The following PKD1 variants were observed in gnomAD, a reference collection of about 807,000 sequenced individuals.
PKD1 encodes polycystin-1.
In PKD1, 81 loss-of-function variants were observed where a neutral mutation model predicts 361.7. The observed-to-expected ratio is 0.22, with a 90% confidence interval of 0.19 to 0.27. The LOEUF (loss-of-function observed/expected upper bound fraction) is 0.27, where lower values mean the gene tolerates loss of function less well. Among genes scored for constraint, PKD1 ranks in the 10% least tolerant of loss-of-function variants. The pLI is 1.00. For synonymous variants in PKD1, 3,615 were observed against 2,818.3 expected (o/e 1.28, Z -8.95); for missense variants, 6,399 against 6,118.3 (o/e 1.05, Z -1.53).
In PKD1 at chr16:2,109,163, C is replaced by T. The variant is rs1382000376; in HGVS notation, c.6004G>A (p.Val2002Ile). Residue 2002 changes from valine to isoleucine, a missense_variant, in exon 15 of 46, where the codon GTC (valine) becomes ATC (isoleucine). By Grantham distance (29) the Val-to-Ile change is conservative. Coordinates refer to ENST00000262304, the MANE Select transcript of PKD1 (RefSeq NM_001009944.3). ...AGCGAGAAGTACCAGGCGTAGGCGA[C>T]CCGAGAGCCGCGCTGCACGCGGGCT... is the stretch of plus-strand genomic sequence containing the variant. ...FTARVQRGSR[V>I]AYAWYFSLQK... The T allele has an allele frequency of 1.1e-5, 17 of 1,600,780 alleles. No individual in the cohort carries two copies. Among genetic ancestry groups the T allele is most frequent in the Non-Finnish European group, 1.4e-5 (17 of 1,173,266 alleles).
chr16:2,092,863 T>C, intron 38 of PKD1, 91 bp downstream of exon 38: 1 of 1,472,524 alleles, frequency 6.8e-7, no homozygotes, highest in South Asian at 1.1e-5. Flanking sequence ...CACAAAGGTA[T>C]CTACACATGT....
At chr16:2,093,179 G>A (rs980425314) in intron 37 of PKD1, 86 bp from the exon 38 acceptor site, 20 of 1,492,680 alleles carry the variant, frequency 1.3e-5, no homozygotes, top group East Asian at 4.5e-5. Flanking sequence ...CCATGGCTGC[G>A]GCAGGTGTGG....
In PKD1 at chr16:2,130,610, CA is replaced by C. The variant is rs1398222799; in HGVS notation, c.215+4864del. 5.9e-5 allele frequency among the ~76,000 whole-genome samples: 9 copies of C among 152,348 alleles called. 1 individual carries two copies. Among genetic ancestry groups the C allele is most frequent in the African/African-American group, 1.9e-4 (8 of 41,580 alleles). ...GGATCCAGGGACCAGAAATGGGAGCCAGGGGCCCCTCCGTGGCCTGGCCAGC... is the reference window on the plus strand; with the variant it reads ...GGATCCAGGGACCAGAAATGGGAGCCGGGGCCCCTCCGTGGCCTGGCCAGC... On this transcript the variant is annotated intron_variant, in intron 1 of 45. Coordinates refer to ENST00000262304, the MANE Select transcript of PKD1 (RefSeq NM_001009944.3).
rs759767453 is a variant in PKD1, at chr16:2,108,523, C to A, written c.6644G>T (p.Arg2215Leu). 6.8e-6 allele frequency: 11 copies of A among 1,609,164 alleles called. No individual in the cohort carries two copies. The highest frequency in any genetic ancestry group is 1.7e-5 in the Admixed American group (1 of 59,964). ...ALPGVDVSRP[R>L]LVLPRLALPV... ...CAGCGCCAGCCGCGGCAGCACCAGC[C>A]GAGGCCGGCTCACGTCCACGCCGGG... Residue 2215 changes from arginine (R) to leucine (L), a missense_variant, in exon 15 of 46, where the codon CGG becomes CTG. Coordinates refer to ENST00000262304, the MANE Select transcript of PKD1 (RefSeq NM_001009944.3).
Position 2,106,865 on chromosome 16 carries a change from G to A in PKD1, c.7149C>T (p.Arg2383=). The change falls in exon 17 of 46, where the codon CGC becomes CGT. Residue 2383 remains arginine, a synonymous_variant. Transcript: ENST00000262304. The surrounding 1 kb of genome is among the most constrained non-coding windows in gnomAD (Gnocchi z 6.5). The part of the protein sequence containing the change: ...CKAQAVYEVS[R]SSYVYLEGRC... The stretch of plus-strand genomic sequence containing the variant: ...GGCCCTCCAAGTACACGTAGGAGCT[G>A]CGGCTCACTTCGTACACGGCCTGTG... 1 of 1,549,704 alleles carries A rather than the reference G, an allele frequency of 6.5e-7. No individual in the cohort carries two copies. The highest frequency in any genetic ancestry group is 1.1e-5 in the South Asian group (1 of 90,292).
chr16:2,117,497 C>A lies in PKD1; in HGVS notation c.1377G>T (p.Arg459=). The A allele has an allele frequency of 1.3e-6, 2 of 1,545,202 alleles. No individual in the cohort carries two copies. The highest frequency in any genetic ancestry group is 8.8e-7 in the Non-Finnish European group (1 of 1,138,604). Residue 459 remains arginine (R), a synonymous_variant, in exon 6 of 46, where the codon CGG becomes CGT. Transcript: ENST00000262304. ...GGGGTGGGGGCAGGCACCTGGTGACCCGGGAGACCAGGAAGCGCTGCACGG... is the reference window on the plus strand; with the variant it reads ...GGGGTGGGGGCAGGCACCTGGTGACACGGGAGACCAGGAAGCGCTGCACGG... The part of the protein sequence containing the change: ...SPAVQRFLVS[R]VTRSLDVWIG...
chr16:2,092,265 G>T (rs372715843), intron 39 of PKD1, 77 bp from the exon 40 acceptor site: 3 of 1,480,386 alleles, frequency 2.0e-6, no homozygotes, highest in African/African-American at 2.8e-5. Flanking sequence ...TGGCCAGCTC[G>T]CCTGAGCTCT....
intron 21 of PKD1, among the ~76,000 whole-genome samples, chr16:2,104,919 A>G (rs1173054844): frequency 0.5 from 2 of 4 alleles, no homozygotes; most frequent in Non-Finnish European, 0.5. Context: ...GGAGTGGAGA[A>G]AAAGGGGAGG....
chr16:2,089,691 T>C lies in PKD1; in HGVS notation c.*36A>G. 1 of 1,552,680 alleles carries C rather than the reference T, an allele frequency of 6.4e-7. No individual in the cohort carries two copies. Among genetic ancestry groups the C allele is most frequent in the Non-Finnish European group, 8.7e-7 (1 of 1,148,848 alleles). Reference sequence around the variant, plus strand: ...GAAAGTAATACTGAGCGGTGTCCACTCCGACTCCACGGCCCACCCCCGCCA... The same window carrying C: ...GAAAGTAATACTGAGCGGTGTCCACCCCGACTCCACGGCCCACCCCCGCCA... On this transcript the variant is annotated 3_prime_UTR_variant, in exon 46 of 46. Transcript: ENST00000262304.
intron 42 of PKD1, 82 bp downstream of exon 42, chr16:2,091,341 G>C: frequency 1.4e-6 from 1 of 696,134 alleles, no homozygotes; most frequent in Non-Finnish European, 1.8e-6. Context: ...TGCGAGGGGT[G>C]AGACGCTGCC....
At chr16:2,133,009 G>A (rs1203136437) in intron 1 of PKD1, 1 of 150,764 alleles carries the variant, frequency 6.6e-6, no homozygotes, top group African/African-American at 2.5e-5. Context: ...TTGAACCCAG[G>A]AGGCGGAGGT....
chr16:2,094,111 T>G lies in PKD1; in HGVS notation c.10599A>C (p.Ala3533=). The change falls in exon 35 of 46, where the codon GCA becomes GCC. Residue 3533 remains alanine, a synonymous_variant. Coordinates refer to ENST00000262304, the MANE Select transcript of PKD1 (RefSeq NM_001009944.3). ...GCACACCTGTCCTGGACAGCCTCGCTGCCTGGGGCTGTTCCCAGTTCAGGC... is the reference window on the plus strand; with the variant it reads ...GCACACCTGTCCTGGACAGCCTCGCGGCCTGGGGCTGTTCCCAGTTCAGGC... ...SPGLNWEQPQ[A]ARLSRTGLVE... is the part of the protein sequence containing the mutation. The G allele has an allele frequency of 6.3e-7, 1 of 1,591,300 alleles. No individual in the cohort carries two copies. Among genetic ancestry groups the G allele is most frequent in the Non-Finnish European group, 8.6e-7 (1 of 1,167,976 alleles).
Position 2,114,872 on chromosome 16 carries a change from C to T in PKD1, c.2151G>A (p.Leu717=), listed in dbSNP as rs1355570173. 4 of 1,523,266 alleles carry T rather than the reference C, an allele frequency of 2.6e-6. No homozygotes were observed. Among genetic ancestry groups the T allele is most frequent in the African/African-American group, 1.4e-5 (1 of 72,874 alleles). The allele number at this position is 1,523,266 out of a possible 1,614,324, so 94.4% of individuals were successfully genotyped here. ...GGGCGCCAGGGCCAGCGTCGTGCTG[C>T]AAGCCAACGAGGTCACCAGGGAGCA... The part of the protein sequence containing the change: ...VLMLPGDLVG[L]QHDAGPGALL... Residue 717 remains leucine, a synonymous_variant, in exon 11 of 46, where the codon TTG becomes TTA. Coordinates refer to ENST00000262304, the MANE Select transcript of PKD1 (RefSeq NM_001009944.3).
rs1337081599 is a variant in PKD1, at chr16:2,108,283, C to A, written c.6884G>T (p.Ser2295Ile). 1.9e-6 allele frequency: 3 copies of A among 1,602,128 alleles called. No individual in the cohort carries two copies. The highest frequency in any genetic ancestry group is 2.2e-5 in the South Asian group (2 of 90,358). ...CGAAGCCACACAGGCCCAGTGGAAA[C>A]TGAGCGGCGTCTGGTCGCCGTCCTC... is the stretch of plus-strand genomic sequence containing the variant. ...NLEDGDQTPLSFHWACVASTQ... is the reference protein window; with the variant it reads ...NLEDGDQTPLIFHWACVASTQ... The change falls in exon 15 of 46, where the codon AGT (serine) becomes ATT (isoleucine). Residue 2295 changes from serine (S) to isoleucine (I), a missense_variant. By Grantham distance (142) the Ser-to-Ile change is moderately radical. Coordinates refer to ENST00000262304, the MANE Select transcript of PKD1 (RefSeq NM_001009944.3).
In PKD1 at chr16:2,091,186, G is replaced by A. The variant is rs745528408; in HGVS notation, c.11713-12C>T. ...AGCAGCAGGCACACCTGTGGGGGGC[G>A]CGGTCAGGAGGGCGGGAGGGACGCT... On this transcript the variant is annotated splice_polypyrimidine_tract_variant and intron_variant, in intron 42 of 45. Transcript: ENST00000262304. 1.6e-5 allele frequency: 22 copies of A among 1,395,950 alleles called. No homozygotes were observed. In the Admixed American group the frequency reaches 4.9e-4, roughly 31 times the overall value. The allele number at this position is 1,395,950 out of a possible 1,614,324, so 86.5% of individuals were successfully genotyped here.
chr16:2,093,230 A>T, intron 37 of PKD1, 137 bp from the exon 38 acceptor site: 1 of 1,035,912 alleles, frequency 9.7e-7, no homozygotes, highest in Non-Finnish European at 1.5e-6. Context: ...CCAAGACTCT[A>T]CCTGGCCAGG....
chr16:2,120,023 G>A, intron 1 of PKD1: 1 of 594,352 alleles, frequency 1.7e-6, no homozygotes, highest in East Asian at 2.8e-5. Context: ...ACCACCCTGG[G>A]CAACACAGTG....
In PKD1 at chr16:2,108,867, C is replaced by G; in HGVS notation, c.6300G>C (p.Ser2100=). The change falls in exon 15 of 46, where the codon TCG becomes TCC. Residue 2100 remains serine, a synonymous_variant. Coordinates refer to ENST00000262304, the MANE Select transcript of PKD1 (RefSeq NM_001009944.3). ...VAYHWDFGDG[S]PGQDTDEPRA... is the part of the protein sequence containing the mutation. Reference sequence around the variant, plus strand: ...TGGGCTCATCTGTGTCCTGCCCTGGCGACCCATCCCCAAAGTCCCAGTGGT... The same window carrying G: ...TGGGCTCATCTGTGTCCTGCCCTGGGGACCCATCCCCAAAGTCCCAGTGGT... The G allele has an allele frequency of 3.2e-6, 5 of 1,576,520 alleles. No individual in the cohort carries two copies. Among genetic ancestry groups the G allele is most frequent in the Non-Finnish European group, 3.4e-6 (4 of 1,162,368 alleles).
chr16:2,094,022 G>A lies in PKD1; in HGVS notation c.10619-9C>T. On this transcript the variant is annotated splice_polypyrimidine_tract_variant and intron_variant, in intron 35 of 45. Transcript: ENST00000262304. Reference sequence around the variant, plus strand: ...CAGACCCTCCACCAGTCCTGGGGAAGCAGAGACAGACCTGTGAGAGGCAGC... The same window carrying A: ...CAGACCCTCCACCAGTCCTGGGGAAACAGAGACAGACCTGTGAGAGGCAGC... 2 of 1,590,600 alleles carry A rather than the reference G, an allele frequency of 1.3e-6. No homozygotes were observed. The highest frequency in any genetic ancestry group is 1.7e-6 in the Non-Finnish European group (2 of 1,169,634).
Sources: gnomAD v4.1 joint callset for allele counts (sites outside exome capture counted in the v4.1 genomes callset) on GRCh38, gnomAD v4.1.1 for gene constraint, Gnocchi (gnomAD v3.1) non-coding constraint, MANE v1.5 for transcripts, NCBI Gene and HGNC (gene_info 2026-07-23, HGNC 2026-07-21) for gene names.